The following SPATA17 variants were observed in gnomAD, a reference collection of about 807,000 sequenced individuals.
SPATA17 encodes the protein spermatogenesis-associated protein 17.
A neutral mutation model predicts 62.2 loss-of-function variants in SPATA17; 53 were observed. That is an observed-to-expected ratio of 0.85 (90% CI 0.68 to 1.07). The LOEUF (loss-of-function observed/expected upper bound fraction) is 1.07, where lower values mean the gene tolerates loss of function less well. SPATA17 is among the 50% of genes least tolerant of loss of function. SPATA17 has a pLI of 0.00. For missense variants in SPATA17, 466 were observed against 425.5 expected (o/e 1.10, Z -0.84); for synonymous variants, 146 against 146.8 (o/e 0.99, Z 0.04).
At chr1:217,831,488 C>G (rs1055873337) in intron 9 of SPATA17, among the ~76,000 whole-genome samples, 2 of 152,114 alleles carry the variant, frequency 1.3e-5, no homozygotes, top group African/African-American at 4.8e-5. Flanking sequence ...TCTCTATCTC[C>G]TTCCTTAGGA....
intron 1 of SPATA17, among the ~76,000 whole-genome samples, chr1:217,647,169 T>C (rs1163998309): frequency 6.6e-6 from 1 of 152,258 alleles, no homozygotes; most frequent in Non-Finnish European, 1.5e-5. Flanking sequence ...AACGTATTTA[T>C]TTCCTTCTAT....
intron 9 of SPATA17, among the ~76,000 whole-genome samples, chr1:217,808,496 A>C (rs755132643): frequency 1.3e-5 from 2 of 152,164 alleles, no homozygotes; most frequent in Non-Finnish European, 2.9e-5. Flanking sequence ...TTAATAGTCT[A>C]TCAGTGAGGA....
At chr1:217,638,955 T>C (rs1430909532) in intron 1 of SPATA17, among the ~76,000 whole-genome samples, 1 of 152,020 alleles carries the variant, frequency 6.6e-6, no homozygotes, top group Non-Finnish European at 1.5e-5. Flanking sequence ...ATTAATAATA[T>C]GGAGGACATA....
intron 9 of SPATA17, among the ~76,000 whole-genome samples, chr1:217,815,138 G>A (rs1338868088): frequency 6.6e-6 from 1 of 152,104 alleles, no homozygotes; most frequent in Non-Finnish European, 1.5e-5. Context: ...TATTGCTTAA[G>A]TATCTTTCTG....
At chr1:217,668,597 G>A (rs1229319524) in intron 3 of SPATA17, among the ~76,000 whole-genome samples, 1 of 152,120 alleles carries the variant, frequency 6.6e-6, no homozygotes, top group East Asian at 1.9e-4. Flanking sequence ...TTCAACTGAA[G>A]ACAGCATTTC....
chr1:217,738,666 T>C (rs2102945988), intron 5 of SPATA17, among the ~76,000 whole-genome samples: 1 of 152,176 alleles, frequency 6.6e-6, no homozygotes, highest in South Asian at 2.1e-4. Context: ...GAGTCTATGC[T>C]CTTGGCCGGG....
chr1:217,712,818 G>A (rs1270133356), intron 5 of SPATA17, among the ~76,000 whole-genome samples: 1 of 152,084 alleles, frequency 6.6e-6, no homozygotes, highest in East Asian at 1.9e-4. Flanking sequence ...CTCAGCAGGG[G>A]ATGTTTTGGC....
chr1:217,730,763 A>T (rs1014457855), intron 5 of SPATA17, among the ~76,000 whole-genome samples: 1 of 152,048 alleles, frequency 6.6e-6, no homozygotes, highest in African/African-American at 2.4e-5. Context: ...TGATTTTTTG[A>T]TAGACGATAA....
At chr1:217,635,374 C>T (rs1045735269) in intron 1 of SPATA17, among the ~76,000 whole-genome samples, 3 of 152,044 alleles carry the variant, frequency 2.0e-5, no homozygotes, top group African/African-American at 7.2e-5. Context: ...TATATTAGTT[C>T]CACAAGGTGG....
intron 9 of SPATA17, among the ~76,000 whole-genome samples, chr1:217,813,374 G>A (rs186879147): frequency 6.6e-6 from 1 of 152,220 alleles, no homozygotes; most frequent in African/African-American, 2.4e-5. Context: ...CTGTACAGCA[G>A]AGAAACATGC....
At chr1:217,680,948 G>C (rs917946790) in intron 4 of SPATA17, among the ~76,000 whole-genome samples, 9 of 113,876 alleles carry the variant, frequency 7.9e-5, no homozygotes, top group Non-Finnish European at 1.3e-4. Flanking sequence ...AAAAAAAAAG[G>C]CTGGGCACGG....
intron 5 of SPATA17, among the ~76,000 whole-genome samples, chr1:217,737,675 T>G (rs4846431): frequency 6.6e-6 from 1 of 151,804 alleles, no homozygotes; most frequent in Non-Finnish European, 1.5e-5. Context: ...GATATAGTTA[T>G]GAACAGTCAG....
intron 9 of SPATA17, among the ~76,000 whole-genome samples, chr1:217,823,351 A>G (rs1674914983): frequency 6.6e-6 from 1 of 151,976 alleles, no homozygotes; most frequent in African/African-American, 2.4e-5. Context: ...AATTCTCCCT[A>G]CAAAAGTCTT....
At chr1:217,631,557 AG>A (rs1669774955) in intron 1 of SPATA17, 111 bp downstream of exon 1, 1 of 1,115,984 alleles carries the variant, frequency 9.0e-7, no homozygotes, top group African/African-American at 1.5e-5. Context: ...TTCATTAAGT[AG>A]TACCCAATTC....
intron 8 of SPATA17, among the ~76,000 whole-genome samples, chr1:217,783,468 A>G (rs1461014127): frequency 6.6e-6 from 1 of 152,010 alleles, no homozygotes; most frequent in Non-Finnish European, 1.5e-5. Context: ...GATTGGCTTA[A>G]CCCAACATAT....
intron 9 of SPATA17, among the ~76,000 whole-genome samples, chr1:217,825,431 T>C (rs953495861): frequency 6.6e-6 from 1 of 151,946 alleles, no homozygotes; most frequent in African/African-American, 2.4e-5. Context: ...GAACACTCAT[T>C]GTGTGTAGCT....
intron 1 of SPATA17, among the ~76,000 whole-genome samples, chr1:217,644,985 G>C (rs753786851): frequency 1.3e-4 from 19 of 151,916 alleles, no homozygotes; most frequent in Non-Finnish European, 2.9e-5. Flanking sequence ...AACATAAAAT[G>C]TCTAGCAGTT....
intron 8 of SPATA17, among the ~76,000 whole-genome samples, chr1:217,798,608 TG>T (rs971885009): frequency 3.9e-5 from 6 of 152,226 alleles, no homozygotes; most frequent in Admixed American, 2.6e-4. Context: ...AATGTGATAA[TG>T]GGTGTCCACC....
chr1:217,713,187 A>G lies in SPATA17; in HGVS notation c.396-28788A>G, dbSNP rs183806635. Among the ~76,000 whole-genome samples the G allele has an allele frequency of 6.2e-4, 95 of 152,254 alleles. No homozygotes were observed. In the Middle Eastern group the frequency reaches 0.014, roughly 22 times the overall value. ...GTGTGGCAAATGGAAAATAATTAGC[A>G]TAGATAATAATTCAGGTTAAGGTTA... On this transcript the variant is annotated intron_variant, in intron 5 of 10. Transcript: ENST00000366933.
Sources: allele counts gnomAD v4.1 joint callset (sites outside exome capture counted in the v4.1 genomes callset), GRCh38; gene constraint gnomAD v4.1.1; transcripts MANE v1.5; gene names NCBI Gene and HGNC (gene_info 2026-07-23, HGNC 2026-07-21).